Variants in PRKD3 observed in about 807,000 individuals in gnomAD.
PRKD3 encodes the protein protein kinase D3.
Under a neutral mutation model 99.2 loss-of-function variants are expected in PRKD3, and 47 were observed. The observed-to-expected ratio is 0.47, with a 90% CI of 0.38 to 0.60. The LOEUF (loss-of-function observed/expected upper bound fraction) is 0.60, where lower values mean the gene tolerates loss of function less well. Ranked by LOEUF, PRKD3 falls within the 20% of genes least tolerant of loss-of-function variation. PRKD3 has a pLI of 0.00. For missense variants in PRKD3, 1,019 were observed against 1,088.4 expected (o/e 0.94, Z 0.90); for synonymous variants, 392 against 355.4 (o/e 1.10, Z -1.16).
intron 6 of PRKD3, among the ~76,000 whole-genome samples, chr2:37,285,442 T>G (rs147638052): frequency 6.6e-6 from 1 of 152,342 alleles, no homozygotes; most frequent in African/African-American, 2.4e-5. Context: ...ATAATTTTAG[T>G]AGCTTTTATT....
intron 13 of PRKD3, chr2:37,268,763 TAGAA>T (rs1198784855): frequency 1.3e-5 from 2 of 154,512 alleles, no homozygotes; most frequent in African/African-American, 2.4e-5. Context: ...GACTGAAAGA[TAGAA>T]AGCAAAGAGG....
chr2:37,263,742 A>G (rs1198098498), intron 14 of PRKD3, among the ~76,000 whole-genome samples: 1 of 152,174 alleles, frequency 6.6e-6, no homozygotes, highest in Non-Finnish European at 1.5e-5. Flanking sequence ...AATCAGCAAA[A>G]ACAGTTGTGT....
intron 4 of PRKD3, 103 bp downstream of exon 4, chr2:37,290,765 A>G (rs1427277068): frequency 6.2e-6 from 8 of 1,282,342 alleles, no homozygotes; most frequent in Non-Finnish European, 8.6e-6. Flanking sequence ...AATCCTCGTT[A>G]CCACCCTAGT....
At chr2:37,256,543 T>C (rs903179579) in intron 17 of PRKD3, 119 bp downstream of exon 17, 192 of 1,252,092 alleles carry the variant, frequency 1.5e-4, no homozygotes, top group Admixed American at 1.8e-4. Flanking sequence ...GGAAGATGAA[T>C]GGGAGATGTA....
At chr2:37,279,017 ATAATGT>A (rs1053208314) in intron 8 of PRKD3, 1 of 152,136 alleles carries the variant, frequency 6.6e-6, no homozygotes, top group Non-Finnish European at 1.5e-5. Flanking sequence ...GATTTTGTTA[ATAATGT>A]TAATGATAGT....
At chr2:37,255,078 T>C (rs1208786393) in intron 17 of PRKD3, among the ~76,000 whole-genome samples, 2 of 152,212 alleles carry the variant, frequency 1.3e-5, no homozygotes, top group Non-Finnish European at 2.9e-5. Context: ...ATTTCTTGTC[T>C]CTATACTACC....
At chr2:37,279,622 G>C (rs906065174) in intron 8 of PRKD3, 124 bp downstream of exon 8, 3 of 606,402 alleles carry the variant, frequency 4.9e-6, no homozygotes, top group Non-Finnish European at 7.5e-6. Flanking sequence ...AAAAGAATTA[G>C]CCACAATTTA....
chr2:37,280,390 A>G (rs1044618899), intron 7 of PRKD3, among the ~76,000 whole-genome samples: 3 of 152,118 alleles, frequency 2.0e-5, no homozygotes, highest in Admixed American at 1.3e-4. Context: ...CACAAATCAT[A>G]AGGCACAAAG....
intron 11 of PRKD3, among the ~76,000 whole-genome samples, chr2:37,272,655 A>G (rs2148534610): frequency 6.6e-6 from 1 of 152,308 alleles, no homozygotes; most frequent in East Asian, 1.9e-4. Context: ...TCGATGATGT[A>G]GGACTATAAA....
At chr2:37,282,664 C>T (rs765945267) in intron 6 of PRKD3, 45 bp from the exon 7 acceptor site, 61 of 1,311,276 alleles carry the variant, frequency 4.7e-5, no homozygotes, top group Non-Finnish European at 6.7e-5. Flanking sequence ...AAAAGTCAAG[C>T]AGTATCAGAT....
intron 5 of PRKD3, 52 bp from the exon 6 acceptor site, chr2:37,286,421 G>C (rs751549786): frequency 8.2e-5 from 122 of 1,479,230 alleles, no homozygotes; most frequent in Non-Finnish European, 1.1e-4. Flanking sequence ...AAACAGAGTA[G>C]TGGGAGCAGA....
intron 3 of PRKD3, 165 bp downstream of exon 3, chr2:37,292,967 TA>T (rs1670504744): frequency 2.2e-5 from 16 of 725,580 alleles, no homozygotes; most frequent in Non-Finnish European, 2.9e-5. Flanking sequence ...TTAATGGTGA[TA>T]TAACATGCCT....
chr2:37,269,122 C>T (rs1211884797), intron 13 of PRKD3: 2 of 165,274 alleles, frequency 1.2e-5, no homozygotes, highest in African/African-American at 4.8e-5. Context: ...TTTATTAGTT[C>T]CATTAAACAG....
Position 37,256,918 on chromosome 2 carries a change from A to G in PRKD3, c.2157T>C (p.Cys719=). 3 of 1,614,026 alleles carry G rather than the reference A, an allele frequency of 1.9e-6. No homozygotes were observed. Among genetic ancestry groups the G allele is most frequent in the Non-Finnish European group, 2.5e-6 (3 of 1,179,922 alleles). Residue 719 remains cysteine, a synonymous_variant, in exon 17 of 19, where the codon TGT becomes TGC. Coordinates refer to ENST00000234179, the MANE Select transcript of PRKD3 (RefSeq NM_005813.6). The part of the protein sequence containing the change: ...SAEPFPQVKL[C]DFGFARIIGE... ...CAATGATGCGTGCAAATCCAAAGTC[A>G]CACAGCTTCACCTGGAAATTGAAGG...
At chr2:37,292,893 G>A (rs527995060) in intron 3 of PRKD3, 2 of 296,464 alleles carry the variant, frequency 6.7e-6, no homozygotes, top group Non-Finnish European at 1.3e-5. Context: ...CAATCCTCCC[G>A]CCTCAGCTTC....
intron 8 of PRKD3, 124 bp downstream of exon 8, chr2:37,279,622 G>A (rs906065174): frequency 1.6e-5 from 10 of 606,402 alleles, no homozygotes; most frequent in Non-Finnish European, 2.3e-5. Flanking sequence ...AAAAGAATTA[G>A]CCACAATTTA....
chr2:37,278,120 G>A (rs1669663919), intron 8 of PRKD3, 131 bp from the exon 9 acceptor site: 5 of 606,204 alleles, frequency 8.2e-6, no homozygotes, highest in African/African-American at 1.9e-5. Context: ...AATAAACAAT[G>A]GCTGAAGAAA....
At chr2:37,299,801 A>C (rs1670843174) in intron 2 of PRKD3, among the ~76,000 whole-genome samples, 1 of 152,190 alleles carries the variant, frequency 6.6e-6, no homozygotes, top group African/African-American at 2.4e-5. Flanking sequence ...CAACATCACT[A>C]ATCATCAGAG....
chr2:37,255,714 A>G (rs1460560194), intron 17 of PRKD3, among the ~76,000 whole-genome samples: 1 of 152,250 alleles, frequency 6.6e-6, no homozygotes, highest in African/African-American at 2.4e-5. Context: ...AATACTTAAG[A>G]AAAAAATGGG....
Sources: allele counts gnomAD v4.1 joint callset (sites outside exome capture counted in the v4.1 genomes callset), GRCh38; gene constraint gnomAD v4.1.1; transcripts MANE v1.5; gene names NCBI Gene and HGNC (gene_info 2026-07-23, HGNC 2026-07-21).